CNTN5: variants seen among roughly 807,000 people sequenced by gnomAD.
CNTN5 encodes the protein contactin 5, also known as contactin-5.
CNTN5 carries 77 observed loss-of-function variants against 129.1 expected under a neutral mutation model. That is an observed-to-expected ratio of 0.60 (90% CI 0.50 to 0.72). The LOEUF is 0.72. Ranked by LOEUF, CNTN5 falls within the 30% of genes least tolerant of loss-of-function variation. The pLI is 0.00. For synonymous variants in CNTN5, 509 were observed against 465.6 expected (o/e 1.09, Z -1.20); for missense variants, 1,478 against 1,328.8 (o/e 1.11, Z -1.75).
Position 99,844,778 on chromosome 11 carries a change from G to A in CNTN5, c.278-74G>A, listed in dbSNP as rs1947628322. ...GAGCAAGAATTTTGAATATAAGTAAGATGGAAAAGAAAAAAACACAAAATA... is the reference window on the plus strand; with the variant it reads ...GAGCAAGAATTTTGAATATAAGTAAAATGGAAAAGAAAAAAACACAAAATA... On this transcript the variant is annotated intron_variant, in intron 4 of 24. Coordinates refer to ENST00000524871, the MANE Select transcript of CNTN5 (RefSeq NM_014361.4). The A allele has an allele frequency of 4.2e-6, 6 of 1,421,342 alleles. No homozygotes were observed. In the South Asian group the frequency reaches 6.8e-5, roughly 16 times the overall value. 88.0% of individuals were successfully genotyped at this position (1,421,342 alleles called of 1,614,324 possible).
At chr11:100,302,206 G>C (rs1246397834) in intron 20 of CNTN5, among the ~76,000 whole-genome samples, 3 of 151,490 alleles carry the variant, frequency 2.0e-5, no homozygotes, top group Admixed American at 6.6e-5. Context: ...AAAGGAGTGA[G>C]CATTTCAAAA....
chr11:99,649,981 C>G (rs954413611), intron 3 of CNTN5, among the ~76,000 whole-genome samples: 1 of 151,742 alleles, frequency 6.6e-6, no homozygotes, highest in Non-Finnish European at 1.5e-5. Flanking sequence ...TCAGGATCCT[C>G]TCTCACATCA....
At chr11:99,328,524 G>T (rs980907989) in intron 2 of CNTN5, among the ~76,000 whole-genome samples, 1 of 151,946 alleles carries the variant, frequency 6.6e-6, no homozygotes, top group Non-Finnish European at 1.5e-5. Flanking sequence ...TTGTGTTTTA[G>T]AAAATATTGT....
chr11:99,514,137 A>T (rs980341589), intron 2 of CNTN5, among the ~76,000 whole-genome samples: 12 of 152,102 alleles, frequency 7.9e-5, no homozygotes, highest in African/African-American at 2.9e-4. Context: ...GGAGGAAGTA[A>T]CTGCAGATGT....
At chr11:99,130,734 A>G (rs1858892541) in intron 1 of CNTN5, among the ~76,000 whole-genome samples, 1 of 152,186 alleles carries the variant, frequency 6.6e-6, no homozygotes, top group Admixed American at 6.5e-5. Context: ...CACCAAATGC[A>G]AAACAACTGA....
intron 3 of CNTN5, among the ~76,000 whole-genome samples, chr11:99,571,865 T>A (rs1949185572): frequency 1.3e-5 from 2 of 152,208 alleles, no homozygotes; most frequent in Admixed American, 6.5e-5. Flanking sequence ...GTATATTCTC[T>A]AATAACAAGC....
At chr11:99,483,050 C>T (rs1945663016) in intron 2 of CNTN5, among the ~76,000 whole-genome samples, 1 of 151,552 alleles carries the variant, frequency 6.6e-6, no homozygotes, top group African/African-American at 2.4e-5. Context: ...GTGGCCCGTG[C>T]CAGTAGTCCC....
At chr11:99,813,133 A>G (rs1345583086) in intron 3 of CNTN5, among the ~76,000 whole-genome samples, 2 of 152,130 alleles carry the variant, frequency 1.3e-5, no homozygotes, top group African/African-American at 4.8e-5. Flanking sequence ...GGCATTCATT[A>G]AAAAGTTATT....
chr11:99,102,904 T>G (rs189593367), intron 1 of CNTN5, among the ~76,000 whole-genome samples: 1 of 152,102 alleles, frequency 6.6e-6, no homozygotes, highest in Non-Finnish European at 1.5e-5. Flanking sequence ...ACGGTGCTAA[T>G]GATGACAGAC....
chr11:99,766,434 G>T (rs1285921569), intron 3 of CNTN5, among the ~76,000 whole-genome samples: 1 of 151,912 alleles, frequency 6.6e-6, no homozygotes, highest in Non-Finnish European at 1.5e-5. Flanking sequence ...CCACTAGATG[G>T]TAACAACAGT....
At chr11:100,229,769 A>G (rs948337621) in intron 16 of CNTN5, among the ~76,000 whole-genome samples, 1 of 152,224 alleles carries the variant, frequency 6.6e-6, no homozygotes, top group Non-Finnish European at 1.5e-5. Context: ...GTAAATGTCT[A>G]TTTTTAGCAT....
intron 1 of CNTN5, among the ~76,000 whole-genome samples, chr11:99,227,669 G>C (rs1860764326): frequency 6.6e-6 from 1 of 151,846 alleles, no homozygotes; most frequent in African/African-American, 2.4e-5. Context: ...ATAAAGAAGG[G>C]GCTTAATATA....
intron 1 of CNTN5, among the ~76,000 whole-genome samples, chr11:99,175,527 C>T (rs1041674806): frequency 6.6e-6 from 1 of 152,034 alleles, no homozygotes; most frequent in African/African-American, 2.4e-5. Context: ...AAATGGAATC[C>T]TATTCAGGAA....
intron 1 of CNTN5, among the ~76,000 whole-genome samples, chr11:99,068,650 G>A (rs184689540): frequency 6.6e-6 from 1 of 152,120 alleles, no homozygotes; most frequent in Non-Finnish European, 1.5e-5. Context: ...GAGCCCCAGA[G>A]AAATTTTACT....
At position 99,245,706 on chromosome 11, in the gene CNTN5, A is replaced by G. The variant is rs551226090; in HGVS notation, c.-209-79640A>G. Among the ~76,000 whole-genome samples the G allele has an allele frequency of 1.6e-3, 236 of 152,254 alleles. 1 individual carries two copies. Among genetic ancestry groups the G allele is most frequent in the African/African-American group, 5.6e-3 (233 of 41,558 alleles). On this transcript the variant is annotated intron_variant, in intron 1 of 24. Transcript: ENST00000524871. ...CTCTGACTATATCCCACGGAAGGAC[A>G]TTACTTGAAGTACATGTTTCTGTCA...
In CNTN5 at chr11:99,206,527, G is replaced by GT. The variant is rs140392250; in HGVS notation, c.-209-118813dup. 5.6e-4 allele frequency among the ~76,000 whole-genome samples: 85 copies of GT among 152,066 alleles called. 1 individual carries two copies. Among genetic ancestry groups the GT allele is most frequent in the African/African-American group, 2.0e-3 (81 of 41,492 alleles). ...AGATCGAATTCATCAATAAATTTAC[G>GT]TTTTTTCCACCATGATTTTTCTCCT... On this transcript the variant is annotated intron_variant, in intron 1 of 24. Transcript: ENST00000524871.
intron 8 of CNTN5, among the ~76,000 whole-genome samples, chr11:99,997,912 T>C (rs1473491651): frequency 1.3e-5 from 2 of 152,186 alleles, no homozygotes; most frequent in South Asian, 2.1e-4. Context: ...AACCACATGA[T>C]TATCTCAATA....
intron 3 of CNTN5, among the ~76,000 whole-genome samples, chr11:99,733,141 T>C (rs1030615591): frequency 4.6e-5 from 7 of 151,118 alleles, no homozygotes; most frequent in African/African-American, 7.4e-5. Flanking sequence ...CCGGTCAAGA[T>C]GGTGAAACCT....
intron 2 of CNTN5, among the ~76,000 whole-genome samples, chr11:99,506,830 A>C (rs1946641044): frequency 1.3e-5 from 2 of 152,240 alleles, no homozygotes; most frequent in Non-Finnish European, 2.9e-5. Flanking sequence ...ATAGTAAAAA[A>C]TATCAATAAC....
Sources: gnomAD v4.1 joint callset for allele counts (sites outside exome capture counted in the v4.1 genomes callset) on GRCh38, gnomAD v4.1.1 for gene constraint, MANE v1.5 for transcripts, NCBI Gene and HGNC (gene_info 2026-07-23, HGNC 2026-07-21) for gene names.